Variants in FBXO21 observed in about 807,000 individuals in gnomAD.
FBXO21 encodes the protein F-box protein 21, also known as F-box only protein 21.
In FBXO21, 32 loss-of-function variants were observed where a neutral mutation model predicts 76.6. That is an observed-to-expected ratio of 0.42 (90% CI 0.32 to 0.56). The LOEUF (loss-of-function observed/expected upper bound fraction) is 0.56. FBXO21 is among the 20% of genes least tolerant of loss of function. FBXO21 has a pLI of 0.16. For missense variants in FBXO21, 586 were observed against 797.3 expected (o/e 0.73, Z 3.19); for synonymous variants, 328 against 311.5 (o/e 1.05, Z -0.56).
In FBXO21 at chr12:117,174,215, T is replaced by C. The variant is rs757205977; in HGVS notation, c.866A>G (p.Tyr289Cys). The C allele has an allele frequency of 1.1e-5, 17 of 1,611,662 alleles. No individual in the cohort carries two copies. The highest frequency in any genetic ancestry group is 1.7e-6 in the Non-Finnish European group (2 of 1,177,704). Residue 289 changes from tyrosine to cysteine, a missense_variant, in exon 6 of 12, where the codon TAT becomes TGT. Tyr to Cys is a radical substitution (Grantham distance 194). Around this residue, in one of 6 missense-constraint regions of FBXO21, gnomAD observed 246 missense variants for 356.8 expected, o/e 0.69. Transcript: ENST00000622495. ...RMDYYNALNL[Y>C]MHQVLIRRTG... The stretch of plus-strand genomic sequence containing the variant: ...TGTACCTATATTTACCTGATGCATA[T>C]ATAAGTTGAGGGCATTATAGTAATC...
At chr12:117,170,475 A>G (rs1956107193) in intron 7 of FBXO21, among the ~76,000 whole-genome samples, 1 of 152,220 alleles carries the variant, frequency 6.6e-6, no homozygotes. Context: ...ACCAGATATC[A>G]GGGATAATTA....
chr12:117,143,563 G>T lies in FBXO21; in HGVS notation c.*2524C>A, dbSNP rs1001950379. 1 of 152,200 alleles carries T rather than the reference G, an allele frequency of 6.6e-6. No homozygotes were observed. Among genetic ancestry groups the T allele is most frequent in the African/African-American group, 2.4e-5 (1 of 41,454 alleles). The allele number at this position is 152,200 out of a possible 1,614,324, so 9.4% of individuals were successfully genotyped here. On this transcript the variant is annotated 3_prime_UTR_variant, in exon 12 of 12. Transcript: ENST00000622495. ...AATTCAGAAAGTGCAATCTTTGCAT[G>T]ACAACCAGATAATTCTCAAAGGTTA...
intron 7 of FBXO21, among the ~76,000 whole-genome samples, chr12:117,167,573 C>G (rs1346318272): frequency 7.4e-6 from 1 of 135,456 alleles, no homozygotes; most frequent in Non-Finnish European, 1.7e-5. Flanking sequence ...CACGGTGAAA[C>G]CCGGTCTCTA....
chr12:117,185,916 A>G (rs1956278197), intron 3 of FBXO21, among the ~76,000 whole-genome samples: 2 of 152,190 alleles, frequency 1.3e-5, no homozygotes, highest in African/African-American at 4.8e-5. Context: ...CTTGTCCCCC[A>G]GTCTGGAGTG....
At chr12:117,182,492 AAAAC>A (rs1231097277) in intron 3 of FBXO21, among the ~76,000 whole-genome samples, 4 of 151,920 alleles carry the variant, frequency 2.6e-5, no homozygotes, top group Non-Finnish European at 5.9e-5. Flanking sequence ...CTGTCTCAAA[AAAAC>A]AAACAGGGCT....
chr12:117,175,599 A>G (rs932465630), intron 4 of FBXO21, among the ~76,000 whole-genome samples: 1 of 152,254 alleles, frequency 6.6e-6, no homozygotes, highest in African/African-American at 2.4e-5. Flanking sequence ...CCTCGACCCC[A>G]GTCCCAGTGT....
Position 117,155,784 on chromosome 12 carries a change from C to CGCTTACCTTGGGCT in FBXO21, c.1668_1675+6dup, listed in dbSNP as rs775990591. 8.1e-6 allele frequency: 13 copies of CGCTTACCTTGGGCT among 1,610,824 alleles called. No individual in the cohort carries two copies. Among genetic ancestry groups the CGCTTACCTTGGGCT allele is most frequent in the African/African-American group, 2.7e-5 (2 of 74,918 alleles). On this transcript the variant is annotated splice_region_variant and intron_variant, in intron 11 of 11. Coordinates refer to ENST00000622495, the MANE Select transcript of FBXO21 (RefSeq NM_015002.3). ...GGCCACTGGCACAAGCGGAACCCGC[C>CGCTTACCTTGGGCT]GCTTACCTTGGGCTGCGTATCGACA...
At chr12:117,166,769 C>T (rs146782876) in intron 8 of FBXO21, 129 bp downstream of exon 8, 172 of 697,306 alleles carry the variant, frequency 2.5e-4, no homozygotes, top group Middle Eastern at 1.3e-3. Flanking sequence ...TTCCAGTACT[C>T]GCAAAGAGAA....
intron 11 of FBXO21, among the ~76,000 whole-genome samples, chr12:117,152,409 T>C (rs1955853768): frequency 6.6e-6 from 1 of 150,810 alleles, no homozygotes; most frequent in African/African-American, 2.5e-5. Context: ...GAGGCTGCAG[T>C]GACTCATGTT....
chr12:117,157,523 G>C (rs374451818), intron 10 of FBXO21, among the ~76,000 whole-genome samples: 1 of 152,132 alleles, frequency 6.6e-6, no homozygotes. Flanking sequence ...CTGAGATTAA[G>C]TGACAAGATA....
At chr12:117,153,836 G>A in intron 11 of FBXO21, among the ~76,000 whole-genome samples, 1 of 152,232 alleles carries the variant, frequency 6.6e-6, no homozygotes, top group East Asian at 1.9e-4. Context: ...CAATTTAACA[G>A]ATGGTAAAAC....
intron 10 of FBXO21, among the ~76,000 whole-genome samples, chr12:117,156,869 C>G (rs527451462): frequency 6.6e-6 from 1 of 152,232 alleles, no homozygotes; most frequent in South Asian, 2.1e-4. Context: ...TTAGGGAGGA[C>G]TAATAACTCA....
At chr12:117,152,517 G>A (rs1955855720) in intron 11 of FBXO21, among the ~76,000 whole-genome samples, 1 of 138,402 alleles carries the variant, frequency 7.2e-6, no homozygotes, top group African/African-American at 2.5e-5. Flanking sequence ...AAAAGTCAAA[G>A]TCATATGAAA....
chr12:117,149,262 A>G (rs1955812451), intron 11 of FBXO21, among the ~76,000 whole-genome samples: 2 of 152,124 alleles, frequency 1.3e-5, no homozygotes, highest in African/African-American at 2.4e-5. Flanking sequence ...GGCCTCCCAA[A>G]GTGTTGGGAT....
At chr12:117,164,110 A>AT (rs1956019539) in intron 9 of FBXO21, among the ~76,000 whole-genome samples, 1 of 151,594 alleles carries the variant, frequency 6.6e-6, no homozygotes, top group East Asian at 1.9e-4. Context: ...AAAAAAAAAA[A>AT]AAATTAAAAT....
Position 117,153,580 on chromosome 12 carries a change from T to G in FBXO21, c.1675+2211A>C, listed in dbSNP as rs536538588. On this transcript the variant is annotated intron_variant, in intron 11 of 11. Transcript: ENST00000622495. ...ACAGACACCCCAAGGGGGAAGGAGA[T>G]GAAGGCCTAGAGGAGAGTCCCCTGG... Among the ~76,000 whole-genome samples the G allele has an allele frequency of 3.9e-5, 6 of 152,192 alleles. No individual in the cohort carries two copies. In the South Asian group the frequency reaches 1.2e-3, roughly 32 times the overall value.
At chr12:117,175,503 A>C (rs1956164029) in intron 4 of FBXO21, among the ~76,000 whole-genome samples, 2 of 152,174 alleles carry the variant, frequency 1.3e-5, no homozygotes, top group Admixed American at 6.5e-5. Context: ...AGTCACCTTA[A>C]ATTAAAGAGA....
chr12:117,180,548 G>A (rs142218847), intron 3 of FBXO21, among the ~76,000 whole-genome samples: 52 of 152,026 alleles, frequency 3.4e-4, no homozygotes, highest in African/African-American at 9.4e-4. Flanking sequence ...ATATCACATC[G>A]TTATTCATTT....
At chr12:117,158,758 A>C (rs1404157928) in intron 9 of FBXO21, among the ~76,000 whole-genome samples, 2 of 152,352 alleles carry the variant, frequency 1.3e-5, no homozygotes, top group East Asian at 3.9e-4. Flanking sequence ...AGGAGAAACT[A>C]CATCTATGCA....
Sources: allele counts gnomAD v4.1 joint callset (sites outside exome capture counted in the v4.1 genomes callset), GRCh38; gene constraint gnomAD v4.1.1; regional missense constraint gnomAD v4.1.1; transcripts MANE v1.5; gene names NCBI Gene and HGNC (gene_info 2026-07-23, HGNC 2026-07-21).